VRK2: variants seen among roughly 807,000 people sequenced by gnomAD.
The protein encoded by VRK2 is serine/threonine-protein kinase VRK2.
Under a neutral mutation model 57.6 loss-of-function variants are expected in VRK2, and 60 were observed. The ratio of observed to expected loss-of-function variants is 1.04; its 90% confidence interval spans 0.85 to 1.29. The LOEUF (loss-of-function observed/expected upper bound fraction) is 1.29, where lower values mean the gene tolerates loss of function less well. Ranked by LOEUF, VRK2 falls within the 50% of genes most tolerant of loss-of-function variation. VRK2 has a pLI of 0.00. For missense variants in VRK2, 705 were observed against 588.1 expected (o/e 1.20, Z -2.06); for synonymous variants, 231 against 199.2 (o/e 1.16, Z -1.35).
chr2:58,147,064 T>C (rs371178712), intron 12 of VRK2: 2 of 466,132 alleles, frequency 4.3e-6, no homozygotes, highest in Non-Finnish European at 8.5e-6. Flanking sequence ...TTATACACCA[T>C]CATTTCCCCC....
At chr2:57,958,006 CACTG>C (rs1385624924) in intron 1 of VRK2, among the ~76,000 whole-genome samples, 4 of 152,258 alleles carry the variant, frequency 2.6e-5, no homozygotes, top group Middle Eastern at 6.8e-3. Context: ...CTTTCACTGA[CACTG>C]ACTGTGTCCA....
intron 1 of VRK2, among the ~76,000 whole-genome samples, chr2:57,966,034 A>G (rs543634481): frequency 2.9e-4 from 44 of 152,350 alleles, no homozygotes; most frequent in African/African-American, 9.6e-4. Flanking sequence ...CATCTTAAAC[A>G]GGGAACAACT....
chr2:58,078,700 G>C (rs1670463218), intron 2 of VRK2, among the ~76,000 whole-genome samples: 1 of 152,040 alleles, frequency 6.6e-6, no homozygotes, highest in Non-Finnish European at 1.5e-5. Flanking sequence ...TGTTTTTATA[G>C]TAGCCATCCT....
chr2:58,084,951 G>C lies in VRK2; in HGVS notation c.256+1G>C, dbSNP rs1328945383. On this transcript the variant is annotated splice_donor_variant, in intron 4 of 12. Coordinates refer to ENST00000340157, the MANE Select transcript of VRK2 (RefSeq NM_006296.7). LOFTEE classifies it high-confidence loss of function. ...CAGAGAGTTGCAAAAAAAGACTGTA[G>C]TAAGTAAAATTAGCAAAGCAAGCTA... 6.3e-7 allele frequency: 1 copy of C among 1,578,260 alleles called. No homozygotes were observed. Among genetic ancestry groups the C allele is most frequent in the Non-Finnish European group, 8.6e-7 (1 of 1,162,966 alleles).
chr2:58,005,739 A>T (rs1673222608), intron 1 of VRK2, among the ~76,000 whole-genome samples: 1 of 152,152 alleles, frequency 6.6e-6, no homozygotes, highest in South Asian at 2.1e-4. Flanking sequence ...TGTTAAAGCA[A>T]GGGCATTGAT....
At chr2:58,046,949 G>C (rs1306413251) in intron 1 of VRK2, 81 bp downstream of exon 1, 2 of 985,556 alleles carry the variant, frequency 2.0e-6, no homozygotes, top group Non-Finnish European at 2.4e-6. Flanking sequence ...GCTCGGAAAA[G>C]GGCTGCCGTC....
chr2:57,924,028 A>G (rs1340397105), intron 1 of VRK2, among the ~76,000 whole-genome samples: 1 of 151,756 alleles, frequency 6.6e-6, no homozygotes. Flanking sequence ...AAATGAGTCT[A>G]TTCTAGATGT....
At chr2:57,910,299 T>C (rs1272810574) in intron 1 of VRK2, among the ~76,000 whole-genome samples, 4 of 152,196 alleles carry the variant, frequency 2.6e-5, no homozygotes, top group Admixed American at 2.0e-4. Flanking sequence ...TCAAGGTGCA[T>C]TCTATCAGAA....
At chr2:57,927,423 C>A (rs1175326257) in intron 1 of VRK2, among the ~76,000 whole-genome samples, 2 of 151,920 alleles carry the variant, frequency 1.3e-5, no homozygotes, top group African/African-American at 4.8e-5. Flanking sequence ...ATTACAGGTG[C>A]ATGGCACCAT....
intron 2 of VRK2, among the ~76,000 whole-genome samples, chr2:58,076,106 C>CT (rs71394406): frequency 0.038 from 4,684 of 121,748 alleles, 160 homozygotes; most frequent in Admixed American, 0.12. Context: ...CTACTGTCTT[C>CT]TTTTTTTTTT....
intron 1 of VRK2, among the ~76,000 whole-genome samples, chr2:57,928,667 C>T (rs1364818082): frequency 6.6e-6 from 1 of 152,094 alleles, no homozygotes; most frequent in Non-Finnish European, 1.5e-5. Context: ...CCTGTTTATA[C>T]CCATCCTTCT....
At chr2:57,958,885 C>A (rs1671669854) in intron 1 of VRK2, among the ~76,000 whole-genome samples, 1 of 152,074 alleles carries the variant, frequency 6.6e-6, no homozygotes, top group Non-Finnish European at 1.5e-5. Flanking sequence ...AGATGTAGAT[C>A]AGTTGTGTCA....
At chr2:58,047,356 A>G (rs755920866) in intron 1 of VRK2, 24 of 902,010 alleles carry the variant, frequency 2.7e-5, no homozygotes, top group Non-Finnish European at 3.2e-5. Flanking sequence ...CGTGTTGAGG[A>G]CTCATCTTAG....
chr2:58,057,990 G>A (rs1239268286), intron 2 of VRK2, among the ~76,000 whole-genome samples: 1 of 152,066 alleles, frequency 6.6e-6, no homozygotes, highest in Non-Finnish European at 1.5e-5. Flanking sequence ...CATTGAAAAT[G>A]TGTCAGCATT....
chr2:58,055,091 G>A (rs185535727), intron 2 of VRK2, among the ~76,000 whole-genome samples: 8 of 152,242 alleles, frequency 5.3e-5, no homozygotes, highest in Admixed American at 5.2e-4. Flanking sequence ...GAAGCATGTG[G>A]CCCTTCATTG....
intron 1 of VRK2, among the ~76,000 whole-genome samples, chr2:57,911,485 C>A (rs1669984341): frequency 6.6e-6 from 1 of 152,138 alleles, no homozygotes; most frequent in Admixed American, 6.5e-5. Context: ...CCAACCCACA[C>A]CCATTGTAAG....
intron 1 of VRK2, among the ~76,000 whole-genome samples, chr2:57,969,159 A>T (rs1045406605): frequency 5.3e-5 from 8 of 152,182 alleles, no homozygotes; most frequent in Admixed American, 1.3e-4. Flanking sequence ...AAGAGACAAA[A>T]ATTATAAAGC....
chr2:58,026,238 C>G (rs1423841147), intron 2 of VRK2, among the ~76,000 whole-genome samples: 1 of 151,848 alleles, frequency 6.6e-6, no homozygotes, highest in African/African-American at 2.4e-5. Flanking sequence ...ATTGGAATGT[C>G]TGTTACCTAA....
chr2:57,941,499 A>G (rs185157915), intron 1 of VRK2, among the ~76,000 whole-genome samples: 1 of 152,328 alleles, frequency 6.6e-6, no homozygotes, highest in East Asian at 1.9e-4. Context: ...ATGTTTGTAT[A>G]TATTATAAAG....
Sources: gnomAD v4.1 joint callset for allele counts (sites outside exome capture counted in the v4.1 genomes callset) on GRCh38, gnomAD v4.1.1 for gene constraint, MANE v1.5 for transcripts, NCBI Gene and HGNC (gene_info 2026-07-23, HGNC 2026-07-21) for gene names.